Variants in CSMD1 observed in about 807,000 individuals in gnomAD.
CSMD1 encodes the protein CUB and Sushi multiple domains 1.
CSMD1 carries 213 observed loss-of-function variants against 417.5 expected under a neutral mutation model. The observed-to-expected ratio is 0.51, with a 90% confidence interval of 0.46 to 0.57. The LOEUF (loss-of-function observed/expected upper bound fraction) is 0.57. Ranked by LOEUF, CSMD1 falls within the 20% of genes least tolerant of loss-of-function variation. The pLI is 0.00. For synonymous variants in CSMD1, 2,862 were observed against 1,736.8 expected (o/e 1.65, Z -16.11); for missense variants, 6,923 against 4,529.7 (o/e 1.53, Z -15.17).
At chr8:3,392,296 T>A (rs1035616265) in intron 17 of CSMD1, among the ~76,000 whole-genome samples, 2 of 152,192 alleles carry the variant, frequency 1.3e-5, no homozygotes, top group African/African-American at 4.8e-5. Flanking sequence ...CATTTTCACT[T>A]GAAAAAAAAT....
At chr8:3,506,513 A>G (rs1247639433) in intron 10 of CSMD1, among the ~76,000 whole-genome samples, 1 of 152,196 alleles carries the variant, frequency 6.6e-6, no homozygotes, top group East Asian at 1.9e-4. Context: ...ATAATGCTCT[A>G]TGGAGCAGCA....
intron 5 of CSMD1, among the ~76,000 whole-genome samples, chr8:3,755,234 G>C (rs190005649): frequency 2.0e-5 from 3 of 152,130 alleles, no homozygotes; most frequent in Non-Finnish European, 2.9e-5. Flanking sequence ...GTGCTGGCTC[G>C]ACTTTGTGCT....
chr8:3,591,097 C>A (rs1022589631), intron 8 of CSMD1, among the ~76,000 whole-genome samples: 2 of 152,130 alleles, frequency 1.3e-5, no homozygotes, highest in Admixed American at 1.3e-4. Context: ...AATTACGTTG[C>A]ACAACTGAGA....
At chr8:4,075,239 T>C (rs1322284870) in intron 3 of CSMD1, among the ~76,000 whole-genome samples, 1 of 152,140 alleles carries the variant, frequency 6.6e-6, no homozygotes, top group African/African-American at 2.4e-5. Context: ...CTTAAGGACT[T>C]AGGATAATCT....
intron 1 of CSMD1, among the ~76,000 whole-genome samples, chr8:4,771,579 G>T (rs193015175): frequency 2.0e-3 from 311 of 152,282 alleles, no homozygotes; most frequent in African/African-American, 7.3e-3. Flanking sequence ...GAAAAGAAAT[G>T]GGATGTTGAA....
chr8:3,477,228 G>A (rs1817484892), intron 11 of CSMD1, among the ~76,000 whole-genome samples: 1 of 152,148 alleles, frequency 6.6e-6, no homozygotes, highest in Non-Finnish European at 1.5e-5. Context: ...TGGATTTTAT[G>A]GGTATGTACC....
At chr8:3,092,709 C>A (rs1227461988) in intron 47 of CSMD1, among the ~76,000 whole-genome samples, 1 of 152,204 alleles carries the variant, frequency 6.6e-6, no homozygotes, top group Admixed American at 6.5e-5. Flanking sequence ...TGGAGAGTCA[C>A]CCGGCATTGC....
chr8:4,725,260 A>T (rs1585003117), intron 1 of CSMD1, among the ~76,000 whole-genome samples: 1 of 152,298 alleles, frequency 6.6e-6, no homozygotes, highest in South Asian at 2.1e-4. Flanking sequence ...ATCGAACTTC[A>T]TTGGTACATG....
chr8:3,789,849 A>G (rs1799637486), intron 5 of CSMD1, among the ~76,000 whole-genome samples: 2 of 150,256 alleles, frequency 1.3e-5, no homozygotes, highest in Non-Finnish European at 1.5e-5. Flanking sequence ...CTCCTGCCTC[A>G]GCCTCCCAAG....
chr8:4,167,652 A>C (rs369020076), intron 3 of CSMD1, among the ~76,000 whole-genome samples: 8 of 152,326 alleles, frequency 5.3e-5, no homozygotes, highest in African/African-American at 1.7e-4. Flanking sequence ...GAAGATACAG[A>C]TTGGCCACAT....
chr8:3,430,697 C>T (rs777595763), intron 12 of CSMD1, among the ~76,000 whole-genome samples: 4 of 152,088 alleles, frequency 2.6e-5, no homozygotes, highest in Non-Finnish European at 5.9e-5. Flanking sequence ...ATCCCAGCTA[C>T]TCAGGAGGCT....
intron 3 of CSMD1, among the ~76,000 whole-genome samples, chr8:4,396,988 A>G (rs1003419957): frequency 6.6e-6 from 1 of 152,074 alleles, no homozygotes; most frequent in African/African-American, 2.4e-5. Flanking sequence ...GGACCTATTC[A>G]TGTAACCAAA....
intron 25 of CSMD1, among the ~76,000 whole-genome samples, chr8:3,295,103 T>C (rs894178803): frequency 6.8e-5 from 10 of 147,550 alleles, no homozygotes; most frequent in Middle Eastern, 3.5e-3. Flanking sequence ...TGTATCACTT[T>C]CAATTTGCTT....
chr8:4,665,660 T>TCAAGGTC lies in CSMD1; in HGVS notation c.86-28109_86-28103dup, dbSNP rs556251427. On this transcript the variant is annotated intron_variant, in intron 1 of 69. Transcript: ENST00000635120. The stretch of plus-strand genomic sequence containing the variant: ...CTTATTCCACGTTAGCATAACGCAT[T>TCAAGGTC]CAAGGTCCACCCACGCTGTTGCATG... Among the ~76,000 whole-genome samples the TCAAGGTC allele has an allele frequency of 2.0e-3, 302 of 152,326 alleles. 2 individuals are homozygous for TCAAGGTC. Among genetic ancestry groups the TCAAGGTC allele is most frequent in the African/African-American group, 6.9e-3 (287 of 41,578 alleles).
rs917444470 is a variant in CSMD1 at position 3,735,562 on chromosome 8, G to A, written c.931+18368C>T. Among the ~76,000 whole-genome samples, 4 of 152,294 alleles carry A rather than the reference G, an allele frequency of 2.6e-5. No individual in the cohort carries two copies. In the East Asian group the frequency reaches 7.7e-4, roughly 29 times the overall value. On this transcript the variant is annotated intron_variant, in intron 6 of 69. Coordinates refer to ENST00000635120, the MANE Select transcript of CSMD1 (RefSeq NM_033225.6). ...AGCAAATTCTGCCTTTAGAAAATATGAGTCAGCATGACTTGCTTCAGTGTC... is the reference window on the plus strand; with the variant it reads ...AGCAAATTCTGCCTTTAGAAAATATAAGTCAGCATGACTTGCTTCAGTGTC...
At chr8:4,895,537 G>T (rs561480710) in intron 1 of CSMD1, among the ~76,000 whole-genome samples, 5 of 151,756 alleles carry the variant, frequency 3.3e-5, no homozygotes, top group African/African-American at 9.7e-5. Flanking sequence ...AAAAGTCAAG[G>T]AGTGTTTTTA....
intron 3 of CSMD1, among the ~76,000 whole-genome samples, chr8:4,080,309 A>C (rs916948913): frequency 1.3e-5 from 2 of 152,184 alleles, no homozygotes; most frequent in Non-Finnish European, 2.9e-5. Context: ...ACCTAAGAGT[A>C]AGGCACGATC....
At chr8:3,958,999 C>G (rs1308620227) in intron 5 of CSMD1, among the ~76,000 whole-genome samples, 1 of 152,208 alleles carries the variant, frequency 6.6e-6, no homozygotes, top group African/African-American at 2.4e-5. Flanking sequence ...TCCCATGCGT[C>G]TCCCTCCTCC....
At chr8:4,392,256 A>G (rs866006732) in intron 3 of CSMD1, among the ~76,000 whole-genome samples, 1 of 152,314 alleles carries the variant, frequency 6.6e-6, no homozygotes, top group Middle Eastern at 3.4e-3. Context: ...TATAAACTGA[A>G]GAGTTATTTG....
Sources: allele counts gnomAD v4.1 joint callset (sites outside exome capture counted in the v4.1 genomes callset), GRCh38; gene constraint gnomAD v4.1.1; transcripts MANE v1.5; gene names NCBI Gene and HGNC (gene_info 2026-07-23, HGNC 2026-07-21).